The following INTS13 variants were observed in gnomAD, a reference collection of about 807,000 sequenced individuals.
INTS13 encodes integrator complex subunit 13, also known as asunder, spermatogenesis regulator homolog (Drosphila).
In INTS13, 35 loss-of-function variants were observed where a neutral mutation model predicts 90.2. The observed-to-expected ratio is 0.39, with a 90% CI of 0.30 to 0.51. The LOEUF (loss-of-function observed/expected upper bound fraction) is 0.51, where lower values mean the gene tolerates loss of function less well. Among genes scored for constraint, INTS13 ranks in the 20% least tolerant of loss-of-function variants. The pLI is 0.80. For synonymous variants in INTS13, 309 were observed against 277.1 expected, an observed-to-expected ratio of 1.11 and a Z score of -1.14; for missense variants, 601 against 851.2, an observed-to-expected ratio of 0.71 and a Z score of 3.66.
chr12:26,917,354 T>C lies in INTS13; in HGVS notation c.1067A>G (p.Asn356Ser). The change falls in exon 10 of 17, where the codon AAT becomes AGT. Residue 356 changes from asparagine (N) to serine (S), a missense_variant and splice_region_variant. Around this residue, in one of 3 missense-constraint regions of INTS13, gnomAD observed 89 missense variants for 191.0 expected, o/e 0.47. Transcript: ENST00000261191. ...PSSCLTNFLLNGRSVLLEQPR... is the reference protein window; with the variant it reads ...PSSCLTNFLLSGRSVLLEQPR... ...AACCATTAAATAATTAAAGTTACCATTTAGAAGAAAATTAGTAAGGCAGGA... is the reference window on the plus strand; with the variant it reads ...AACCATTAAATAATTAAAGTTACCACTTAGAAGAAAATTAGTAAGGCAGGA... 3.6e-6 allele frequency: 5 copies of C among 1,393,270 alleles called. No homozygotes were observed. Among genetic ancestry groups the C allele is most frequent in the Non-Finnish European group, 4.9e-6 (5 of 1,021,160 alleles). The allele number at this position is 1,393,270 out of a possible 1,614,324, so 86.3% of individuals were successfully genotyped here.
chr12:26,916,930 CTTTGA>C (rs1951951078), intron 10 of INTS13, among the ~76,000 whole-genome samples: 1 of 152,026 alleles, frequency 6.6e-6, no homozygotes, highest in South Asian at 2.1e-4. Flanking sequence ...GTAAGTCCAC[CTTTGA>C]TTTGATTTAA....
chr12:26,905,228 T>G lies in INTS13; in HGVS notation c.*269A>C, dbSNP rs1350150455. Reference sequence around the variant, plus strand: ...TAGTTTTATTTCGCAAAGAGAAGCCTAAGAATTTTTTTAAAAACATTTCCA... The same window carrying G: ...TAGTTTTATTTCGCAAAGAGAAGCCGAAGAATTTTTTTAAAAACATTTCCA... On this transcript the variant is annotated 3_prime_UTR_variant, in exon 17 of 17. Coordinates refer to ENST00000261191, the MANE Select transcript of INTS13 (RefSeq NM_018164.3). 1 of 323,476 alleles carries G rather than the reference T, an allele frequency of 3.1e-6. No homozygotes were observed. Among genetic ancestry groups the G allele is most frequent in the Non-Finnish European group, 5.5e-6 (1 of 180,392 alleles). The allele number at this position is 323,476 out of a possible 1,614,324, so 20.0% of individuals were successfully genotyped here.
chr12:26,931,876 CAGGAGTT>C (rs2137558257), intron 3 of INTS13, among the ~76,000 whole-genome samples: 1 of 152,170 alleles, frequency 6.6e-6, no homozygotes, highest in African/African-American at 2.4e-5. Context: ...CACCTGACGT[CAGGAGTT>C]CAAGACCAGC....
intron 14 of INTS13, among the ~76,000 whole-genome samples, chr12:26,912,144 T>C (rs371764451): frequency 2.0e-5 from 3 of 152,128 alleles, no homozygotes; most frequent in African/African-American, 7.2e-5. Context: ...CATAAAAAGA[T>C]GTGTTTTTCG....
intron 8 of INTS13, among the ~76,000 whole-genome samples, chr12:26,920,544 G>A (rs1410608660): frequency 2.0e-5 from 3 of 151,720 alleles, no homozygotes; most frequent in African/African-American, 7.3e-5. Context: ...GACTACAGGC[G>A]CACGCCACCA....
chr12:26,932,518 G>C (rs1188508924), intron 3 of INTS13, among the ~76,000 whole-genome samples: 1 of 152,134 alleles, frequency 6.6e-6, no homozygotes, highest in Non-Finnish European at 1.5e-5. Context: ...GAAACTGAAA[G>C]GTATCAAATA....
At chr12:26,911,857 T>C (rs149516871) in intron 14 of INTS13, among the ~76,000 whole-genome samples, 123 of 152,276 alleles carry the variant, frequency 8.1e-4, no homozygotes, top group African/African-American at 2.6e-3. Context: ...ATGATAGTAC[T>C]TTTTCCCTCT....
chr12:26,926,165 T>C (rs1937863049), intron 5 of INTS13, among the ~76,000 whole-genome samples: 1 of 152,210 alleles, frequency 6.6e-6, no homozygotes, highest in Non-Finnish European at 1.5e-5. Flanking sequence ...ATATATTGTG[T>C]ATTAATTTCC....
chr12:26,915,045 G>A (rs7976064), intron 11 of INTS13, among the ~76,000 whole-genome samples: 76,484 of 151,858 alleles, frequency 0.5, 19,654 homozygotes, highest in East Asian at 0.79. Context: ...TGGCCAACAT[G>A]GTGAAACCCC....
chr12:26,922,789 A>T, intron 7 of INTS13, 89 bp from the exon 8 acceptor site: 1 of 708,456 alleles, frequency 1.4e-6, no homozygotes, highest in South Asian at 2.2e-5. Flanking sequence ...TTTTGTTTAA[A>T]ATGAGGGCAA....
chr12:26,918,662 C>T (rs1592210528), intron 8 of INTS13, among the ~76,000 whole-genome samples: 1 of 152,152 alleles, frequency 6.6e-6, no homozygotes, highest in South Asian at 2.1e-4. Context: ...AGAAGAAACA[C>T]AAACCAAGGG....
intron 5 of INTS13, among the ~76,000 whole-genome samples, chr12:26,926,923 G>A (rs940391997): frequency 6.6e-6 from 1 of 152,264 alleles, no homozygotes; most frequent in East Asian, 1.9e-4. Flanking sequence ...TCCAGAGAGG[G>A]GACAGAAGCT....
chr12:26,928,252 GAC>G lies in INTS13; in HGVS notation c.535_536del (p.Val179ProfsTer6), dbSNP rs998584176. The G allele has an allele frequency of 1.2e-6, 2 of 1,609,916 alleles. No individual in the cohort carries two copies. The highest frequency in any genetic ancestry group is 1.3e-5 in the African/African-American group (1 of 74,836). On this transcript the variant is annotated frameshift_variant, in exon 5 of 17. Transcript: ENST00000261191. LOFTEE classifies it high-confidence loss of function. ...DSHVRMLEDC[V>X]QETIHEHNKL... is the part of the protein sequence containing the mutation. The stretch of plus-strand genomic sequence containing the variant: ...TGTTATGTTCATGAATCGTTTCCTG[GAC>G]ACAGTCTTCAAGCATTCGCACATGA...
chr12:26,925,805 G>C lies in INTS13; in HGVS notation c.631C>G (p.Pro211Ala). Residue 211 changes from proline (P) to alanine (A), a missense_variant, in exon 6 of 17, where the codon CCA becomes GCA. This residue lies in a region of INTS13 where 284 missense variants were observed against 387.7 expected (regional missense o/e 0.73). Transcript: ENST00000261191. ...KCELVLIHTY[P>A]VGEDSLVSDR... The stretch of plus-strand genomic sequence containing the variant: ...GATACAAGGCTGTCTTCACCAACTG[G>C]GTAGGTGTGGATCAAGACCAACTCA... 8.1e-6 allele frequency: 13 copies of C among 1,612,686 alleles called. No homozygotes were observed. The highest frequency in any genetic ancestry group is 1.1e-5 in the Non-Finnish European group (13 of 1,179,238).
chr12:26,924,382 T>C lies in INTS13; in HGVS notation c.777A>G (p.Ser259=). 6.2e-7 allele frequency: 1 copy of C among 1,612,934 alleles called. No individual in the cohort carries two copies. Among genetic ancestry groups the C allele is most frequent in the Non-Finnish European group, 8.5e-7 (1 of 1,179,372 alleles). The change falls in exon 7 of 17, where the codon TCA becomes TCG. Residue 259 remains serine (S), a synonymous_variant. Coordinates refer to ENST00000261191, the MANE Select transcript of INTS13 (RefSeq NM_018164.3). ...TCATTGGAATATTTGTAATAGTAGT[T>C]GAAGCCAAGTCAAAATGTTGCTGTA... ...ILVQQHFDLA[S]TTITNIPMKE...
chr12:26,924,070 G>GT (rs1937728678), intron 7 of INTS13, among the ~76,000 whole-genome samples: 1 of 152,126 alleles, frequency 6.6e-6, no homozygotes, highest in African/African-American at 2.4e-5. Flanking sequence ...GACATTGAAT[G>GT]TGGGCTAGCA....
intron 7 of INTS13, among the ~76,000 whole-genome samples, 167 bp downstream of exon 7, chr12:26,924,188 G>A (rs1937737794): frequency 1.3e-5 from 2 of 151,936 alleles, no homozygotes; most frequent in African/African-American, 4.8e-5. Flanking sequence ...AGATGGGATC[G>A]TACTATGTTG....
chr12:26,934,689 T>C (rs1592235442), intron 2 of INTS13, 59 bp from the exon 3 acceptor site: 1 of 1,187,818 alleles, frequency 8.4e-7, no homozygotes, highest in Admixed American at 1.8e-5. Flanking sequence ...ATCACCAACA[T>C]ATTTTCAAGT....
intron 3 of INTS13, among the ~76,000 whole-genome samples, chr12:26,930,103 T>C (rs1022015914): frequency 2.6e-5 from 4 of 152,146 alleles, no homozygotes; most frequent in African/African-American, 9.7e-5. Context: ...GAAATAAATT[T>C]AACAAGAACT....
Sources: allele counts gnomAD v4.1 joint callset (sites outside exome capture counted in the v4.1 genomes callset), GRCh38; gene constraint gnomAD v4.1.1; regional missense constraint gnomAD v4.1.1; transcripts MANE v1.5; gene names NCBI Gene and HGNC (gene_info 2026-07-23, HGNC 2026-07-21).